Variants in MRPS6 observed in about 807,000 individuals in gnomAD.
MRPS6 encodes small ribosomal subunit protein bS6m.
A neutral mutation model predicts 13.1 loss-of-function variants in MRPS6; 6 were observed. The ratio of observed to expected loss-of-function variants is 0.46; its 90% CI spans 0.25 to 0.91. MRPS6 has a LOEUF of 0.91. MRPS6 is among the 40% of genes least tolerant of loss of function. The pLI is 0.18. For synonymous variants in MRPS6, 61 were observed against 56.5 expected (o/e 1.08, Z -0.36); for missense variants, 164 against 155.6 (o/e 1.05, Z -0.29).
At chr21:34,118,730 G>T (rs1425235766) in intron 1 of MRPS6, among the ~76,000 whole-genome samples, 3 of 151,940 alleles carry the variant, frequency 2.0e-5, no homozygotes, top group Non-Finnish European at 4.4e-5. Flanking sequence ...GGCCAGGCTG[G>T]TCTCAAACTC....
chr21:34,099,479 A>G (rs1249119602), intron 1 of MRPS6: 20 of 999,900 alleles, frequency 2.0e-5, no homozygotes, highest in Admixed American at 6.2e-5. Context: ...TCAAATTAAC[A>G]TTAAGTTGTA....
At chr21:34,081,874 C>T (rs952803784) in intron 1 of MRPS6, among the ~76,000 whole-genome samples, 1 of 152,014 alleles carries the variant, frequency 6.6e-6, no homozygotes, top group South Asian at 2.1e-4. Context: ...TCATCAGAAT[C>T]CCAAACTAGA....
intron 1 of MRPS6, among the ~76,000 whole-genome samples, chr21:34,119,273 C>T (rs1044859448): frequency 5.9e-5 from 9 of 152,160 alleles, no homozygotes; most frequent in African/African-American, 1.9e-4. Context: ...AGATGGTTCT[C>T]CCAAGGTCTG....
intron 2 of MRPS6, chr21:34,135,505 G>A (rs924111655): frequency 4.0e-6 from 2 of 506,204 alleles, no homozygotes; most frequent in Admixed American, 4.2e-5. Flanking sequence ...GGAGCCCTTG[G>A]TGGCAGTGAT....
rs1356432010 is a variant in MRPS6, at chr21:34,119,308, A to G, written c.46-6033A>G. The stretch of plus-strand genomic sequence containing the variant: ...GCTAGAACTTCAGCCACTTTCCATG[A>G]CACCCATTTGACTGTTGAAAAGTTA... On this transcript the variant is annotated intron_variant, in intron 1 of 2. Coordinates refer to ENST00000399312, the MANE Select transcript of MRPS6 (RefSeq NM_032476.4). Among the ~76,000 whole-genome samples, 2 of 152,200 alleles carry G rather than the reference A, an allele frequency of 1.3e-5. 1 individual carries two copies. Among genetic ancestry groups the G allele is most frequent in the South Asian group, 4.1e-4 (2 of 4,830 alleles).
In MRPS6 at chr21:34,099,080, C is replaced by T. The variant is rs1979109978; in HGVS notation, c.45+25335C>T. The T allele has an allele frequency of 3.0e-6, 3 of 999,352 alleles. No homozygotes were observed. The South Asian group carries it at 1.4e-4, about 47-fold the overall frequency. The allele number at this position is 999,352 out of a possible 1,614,324, so 61.9% of individuals were successfully genotyped here. ...GTTAATTTTAGAAATTGTCAGGTAG[C>T]ATAGTGTCTTCCCATGATCAGGAGG... On this transcript the variant is annotated intron_variant, in intron 1 of 2. Transcript: ENST00000399312.
At chr21:34,077,913 C>G (rs1989372064) in intron 1 of MRPS6, among the ~76,000 whole-genome samples, 1 of 152,120 alleles carries the variant, frequency 6.6e-6, no homozygotes, top group Admixed American at 6.5e-5. Context: ...TGTATTTGTT[C>G]TAGAGTTCTA....
intron 2 of MRPS6, among the ~76,000 whole-genome samples, chr21:34,128,127 C>G (rs888996184): frequency 6.6e-6 from 1 of 152,158 alleles, no homozygotes; most frequent in South Asian, 2.1e-4. Context: ...GTGGTGTCCA[C>G]AGGTCTCAGG....
chr21:34,099,019 A>G (rs1979106298), intron 1 of MRPS6: 2 of 991,466 alleles, frequency 2.0e-6, no homozygotes, highest in Non-Finnish European at 2.4e-6. Context: ...GTAGTCTATA[A>G]ACTAGTTTCA....
intron 2 of MRPS6, chr21:34,135,880 G>A: frequency 1.9e-6 from 1 of 536,572 alleles, no homozygotes; most frequent in South Asian, 2.0e-5. Flanking sequence ...GCGTTTGGCA[G>A]CATAAGGCCC....
At chr21:34,077,774 G>A (rs559254749) in intron 1 of MRPS6, among the ~76,000 whole-genome samples, 1 of 152,100 alleles carries the variant, frequency 6.6e-6, no homozygotes, top group African/African-American at 2.4e-5. Flanking sequence ...TTCTGACTTG[G>A]TTTAATTTGA....
At chr21:34,075,046 C>T (rs183178657) in intron 1 of MRPS6, among the ~76,000 whole-genome samples, 1 of 152,246 alleles carries the variant, frequency 6.6e-6, no homozygotes, top group East Asian at 1.9e-4. Flanking sequence ...CCCTTTTGGC[C>T]CTCCTCCTTG....
intron 1 of MRPS6, among the ~76,000 whole-genome samples, chr21:34,116,178 T>TTGTGTGTGTGTGTGTGTGTG (rs57694757): frequency 7.1e-6 from 1 of 141,284 alleles, no homozygotes; most frequent in Admixed American, 7.0e-5. Flanking sequence ...CCAGCTAATT[T>TTGTGTGTGTGTGTGTGTGTG]TGTGTGTGTG....
At chr21:34,121,591 T>C (rs1980123339) in intron 1 of MRPS6, among the ~76,000 whole-genome samples, 1 of 152,032 alleles carries the variant, frequency 6.6e-6, no homozygotes, top group East Asian at 1.9e-4. Flanking sequence ...AAGGAAAGAG[T>C]TGAAGGAGTT....
chr21:34,076,853 C>T (rs1005211610), intron 1 of MRPS6, among the ~76,000 whole-genome samples: 1 of 152,046 alleles, frequency 6.6e-6, no homozygotes, highest in African/African-American at 2.4e-5. Flanking sequence ...CCTGTTACAC[C>T]CATATCAGAT....
intron 1 of MRPS6, among the ~76,000 whole-genome samples, chr21:34,112,926 G>A (rs1231714874): frequency 6.6e-6 from 1 of 152,152 alleles, no homozygotes; most frequent in African/African-American, 2.4e-5. Context: ...GGAGGCTGAG[G>A]TGGGTGGATC....
intron 1 of MRPS6, among the ~76,000 whole-genome samples, chr21:34,092,993 CA>C (rs910995137): frequency 2.6e-5 from 4 of 152,148 alleles, no homozygotes; most frequent in African/African-American, 9.7e-5. Flanking sequence ...TTGTAATTGA[CA>C]CAGCAGTTTT....
At chr21:34,141,209 A>G (rs1211544553) in intron 2 of MRPS6, among the ~76,000 whole-genome samples, 4 of 152,210 alleles carry the variant, frequency 2.6e-5, no homozygotes, top group Non-Finnish European at 4.4e-5. Flanking sequence ...GGTTAACACC[A>G]GAGCCTTTCT....
chr21:34,097,821 T>C (rs1369845382), intron 1 of MRPS6: 1 of 998,858 alleles, frequency 1.0e-6, no homozygotes, highest in Non-Finnish European at 1.2e-6. Context: ...AGTTATGTAC[T>C]GAAAATCGAA....
Sources: allele counts gnomAD v4.1 joint callset (sites outside exome capture counted in the v4.1 genomes callset), GRCh38; gene constraint gnomAD v4.1.1; transcripts MANE v1.5; gene names NCBI Gene and HGNC (gene_info 2026-07-23, HGNC 2026-07-21).